The following DISC1 variants were observed in gnomAD, a reference collection of about 807,000 sequenced individuals.
DISC1 encodes disrupted in schizophrenia 1 protein.
DISC1 carries 57 observed loss-of-function variants against 84.5 expected under a neutral mutation model. The observed-to-expected ratio is 0.67, with a 90% CI of 0.55 to 0.84. The LOEUF (loss-of-function observed/expected upper bound fraction) is 0.84. Among genes scored for constraint, DISC1 ranks in the 40% least tolerant of loss-of-function variants. The pLI, the probability that DISC1 is intolerant of heterozygous loss-of-function variation, is 0.00. For synonymous variants in DISC1, 411 were observed against 415.2 expected, an observed-to-expected ratio of 0.99 and a Z score of 0.12; for missense variants, 1,000 against 1,057.8, an observed-to-expected ratio of 0.95 and a Z score of 0.76.
At chr1:231,836,395 C>A (rs1256938146) in intron 9 of DISC1, among the ~76,000 whole-genome samples, 1 of 152,062 alleles carries the variant, frequency 6.6e-6, no homozygotes, top group African/African-American at 2.4e-5. Context: ...GGAAGGATGC[C>A]AGATAGGATG....
intron 10 of DISC1, among the ~76,000 whole-genome samples, chr1:231,992,046 T>C (rs112316743): frequency 8.9e-4 from 135 of 152,328 alleles, no homozygotes; most frequent in African/African-American, 3.0e-3. Flanking sequence ...TTTCCAGTTA[T>C]TTCTCATGCT....
intron 9 of DISC1, among the ~76,000 whole-genome samples, chr1:231,861,013 A>G (rs1486810123): frequency 6.6e-6 from 1 of 152,158 alleles, no homozygotes; most frequent in Non-Finnish European, 1.5e-5. Flanking sequence ...TTGCCTTCAA[A>G]TGGTATTGTG....
intron 9 of DISC1, among the ~76,000 whole-genome samples, chr1:231,851,722 G>A (rs1403496069): frequency 6.6e-6 from 1 of 152,196 alleles, no homozygotes; most frequent in Non-Finnish European, 1.5e-5. Flanking sequence ...CAGAAGGGCA[G>A]CCAGGCTGGC....
At chr1:231,909,646 G>A (rs1333043960) in intron 9 of DISC1, among the ~76,000 whole-genome samples, 1 of 151,978 alleles carries the variant, frequency 6.6e-6, no homozygotes, top group Admixed American at 6.6e-5. Flanking sequence ...TTTTTGTCGT[G>A]TCTCTGCCAG....
intron 3 of DISC1, among the ~76,000 whole-genome samples, chr1:231,721,430 A>G (rs2069681875): frequency 6.6e-6 from 1 of 152,248 alleles, no homozygotes; most frequent in South Asian, 2.1e-4. Context: ...CCAAGTAAGT[A>G]AATCTGGCTG....
intron 9 of DISC1, among the ~76,000 whole-genome samples, chr1:231,882,791 T>C (rs924378229): frequency 6.6e-6 from 1 of 152,090 alleles, no homozygotes; most frequent in Non-Finnish European, 1.5e-5. Flanking sequence ...AAAAGTTTCC[T>C]TATCTAGGTG....
intron 11 of DISC1, among the ~76,000 whole-genome samples, chr1:232,015,986 C>T (rs1223312038): frequency 6.6e-6 from 1 of 152,150 alleles, no homozygotes; most frequent in Non-Finnish European, 1.5e-5. Context: ...GTCCTTTGCT[C>T]TTCTTTGTCT....
At chr1:231,819,690 A>G (rs1227548587) in intron 9 of DISC1, among the ~76,000 whole-genome samples, 1 of 152,208 alleles carries the variant, frequency 6.6e-6, no homozygotes, top group African/African-American at 2.4e-5. Flanking sequence ...AAGACACCGC[A>G]GCCTGGTTTA....
At position 231,658,739 on chromosome 1, in the gene DISC1, G is replaced by C. The variant is rs148667558; in HGVS notation, c.67+31805G>C. ...TTTCTGCATATATTGAGATAATCATGTGGTTTTTGTCTTTAGTTCTGTTTA... is the reference window on the plus strand; with the variant it reads ...TTTCTGCATATATTGAGATAATCATCTGGTTTTTGTCTTTAGTTCTGTTTA... On this transcript the variant is annotated intron_variant, in intron 1 of 12. Transcript: ENST00000439617. Among the ~76,000 whole-genome samples the C allele has an allele frequency of 3.3e-4, 51 of 152,298 alleles. 1 individual carries two copies. The East Asian group carries it at 9.6e-3, about 29-fold the overall frequency.
chr1:231,916,716 T>C (rs1362637014), intron 9 of DISC1, among the ~76,000 whole-genome samples: 2 of 151,776 alleles, frequency 1.3e-5, no homozygotes, highest in Non-Finnish European at 2.9e-5. Flanking sequence ...AATCCATTGC[T>C]CTTCTTAGCA....
intron 9 of DISC1, among the ~76,000 whole-genome samples, chr1:231,822,739 T>C (rs2081585204): frequency 6.6e-6 from 1 of 152,200 alleles, no homozygotes; most frequent in Admixed American, 6.5e-5. Context: ...TTGCAGGCTG[T>C]CTAAGAAGCA....
chr1:231,950,281 GAATC>G (rs1658123569), intron 9 of DISC1, among the ~76,000 whole-genome samples: 1 of 150,348 alleles, frequency 6.7e-6, no homozygotes, highest in South Asian at 2.1e-4. Context: ...ACAGGAGAAA[GAATC>G]AAAGAATGAG....
intron 3 of DISC1, among the ~76,000 whole-genome samples, chr1:231,720,387 G>A (rs1198162896): frequency 1.3e-5 from 2 of 151,912 alleles, no homozygotes; most frequent in Non-Finnish European, 2.9e-5. Context: ...TTGTCCAGCT[G>A]GGGTGCAGTG....
intron 9 of DISC1, among the ~76,000 whole-genome samples, chr1:231,852,975 C>G (rs533869085): frequency 7.6e-4 from 115 of 152,248 alleles, no homozygotes; most frequent in African/African-American, 2.6e-3. Flanking sequence ...TGGATTTGGG[C>G]CCAATATTTG....
At chr1:231,709,688 C>T (rs2067557776) in intron 3 of DISC1, among the ~76,000 whole-genome samples, 1 of 152,034 alleles carries the variant, frequency 6.6e-6, no homozygotes, top group Non-Finnish European at 1.5e-5. Context: ...AATTTTTTTT[C>T]TCTCCTCTAT....
At chr1:231,824,134 C>T (rs1161069498) in intron 9 of DISC1, among the ~76,000 whole-genome samples, 2 of 152,048 alleles carry the variant, frequency 1.3e-5, no homozygotes, top group Non-Finnish European at 2.9e-5. Context: ...GCTTTGGCTA[C>T]GACCTATGTA....
At chr1:231,915,348 C>T (rs957141954) in intron 9 of DISC1, among the ~76,000 whole-genome samples, 2 of 152,182 alleles carry the variant, frequency 1.3e-5, no homozygotes, top group African/African-American at 4.8e-5. Flanking sequence ...AGGGACAAAG[C>T]ATAAGGGACA....
At chr1:231,983,061 C>T (rs916377604) in intron 10 of DISC1, among the ~76,000 whole-genome samples, 1 of 152,102 alleles carries the variant, frequency 6.6e-6, no homozygotes, top group African/African-American at 2.4e-5. Flanking sequence ...TTCCTGCCCC[C>T]AAGATAAGAC....
intron 8 of DISC1, chr1:231,814,924 A>T (rs2080753640): frequency 7.3e-6 from 1 of 136,914 alleles, no homozygotes; most frequent in South Asian, 2.4e-4. Flanking sequence ...TGTTTCAGAG[A>T]TGTTAAAATG....
Sources: gnomAD v4.1 joint callset for allele counts (sites outside exome capture counted in the v4.1 genomes callset) on GRCh38, gnomAD v4.1.1 for gene constraint, MANE v1.5 for transcripts, NCBI Gene and HGNC (gene_info 2026-07-23, HGNC 2026-07-21) for gene names.